The following MARCHF1 variants were observed in gnomAD, a reference collection of about 807,000 sequenced individuals.
The protein encoded by MARCHF1 is membrane associated ring-CH-type finger 1, also known as E3 ubiquitin-protein ligase MARCHF1.
A neutral mutation model predicts 54.2 loss-of-function variants in MARCHF1; 40 were observed. The ratio of observed to expected loss-of-function variants is 0.74; its 90% CI spans 0.57 to 0.96. The LOEUF is 0.96. MARCHF1 is among the 40% of genes least tolerant of loss of function. The probability of loss-of-function intolerance (pLI) is 0.00; values close to 1 mark genes in which losing one functional copy is unlikely to be tolerated. For synonymous variants in MARCHF1, 236 were observed against 236.3 expected, an observed-to-expected ratio of 1.00 and a Z score of 0.01; for missense variants, 586 against 656.5, an observed-to-expected ratio of 0.89 and a Z score of 1.17.
chr4:163,529,916 T>G (rs745611361), intron 9 of MARCHF1: 2 of 152,026 alleles, frequency 1.3e-5, no homozygotes, highest in African/African-American at 4.8e-5. Context: ...GGACAATAGC[T>G]GTCTTCCCGT....
At chr4:163,870,484 C>G (rs763307711) in intron 3 of MARCHF1, among the ~76,000 whole-genome samples, 18 of 151,964 alleles carry the variant, frequency 1.2e-4, no homozygotes, top group Non-Finnish European at 2.1e-4. Flanking sequence ...AGAAAAGACA[C>G]ATTATTTAAA....
At chr4:163,747,145 G>A (rs1027972108) in intron 4 of MARCHF1, among the ~76,000 whole-genome samples, 2 of 152,176 alleles carry the variant, frequency 1.3e-5, no homozygotes, top group Non-Finnish European at 2.9e-5. Flanking sequence ...AATGTTTCAT[G>A]TCCTTTCACC....
At chr4:163,699,136 C>G (rs1158858446) in intron 5 of MARCHF1, among the ~76,000 whole-genome samples, 1 of 152,298 alleles carries the variant, frequency 6.6e-6, no homozygotes, top group East Asian at 1.9e-4. Context: ...CACATTGCCT[C>G]TCAAATATCT....
chr4:164,316,811 G>C (rs1735012716), intron 1 of MARCHF1, among the ~76,000 whole-genome samples: 1 of 152,166 alleles, frequency 6.6e-6, no homozygotes, highest in Non-Finnish European at 1.5e-5. Flanking sequence ...CTGGTAGTGA[G>C]TGAGTTCTCA....
intron 1 of MARCHF1, among the ~76,000 whole-genome samples, chr4:164,375,582 G>A (rs1044747769): frequency 2.6e-5 from 4 of 151,922 alleles, no homozygotes; most frequent in African/African-American, 7.3e-5. Flanking sequence ...CTGCATATTC[G>A]ATACAACATT....
At chr4:163,564,838 TC>T (rs1739591166) in intron 8 of MARCHF1, among the ~76,000 whole-genome samples, 2 of 152,026 alleles carry the variant, frequency 1.3e-5, no homozygotes, top group African/African-American at 4.8e-5. Context: ...TTCCTTTAAA[TC>T]AACCACTCAG....
At chr4:164,359,634 G>A (rs1398161246) in intron 1 of MARCHF1, among the ~76,000 whole-genome samples, 3 of 152,132 alleles carry the variant, frequency 2.0e-5, no homozygotes, top group Non-Finnish European at 2.9e-5. Context: ...CTCAATGTGG[G>A]AGCTTTAATA....
intron 8 of MARCHF1, among the ~76,000 whole-genome samples, chr4:163,550,281 C>CAAAAAAAAAA (rs60320461): frequency 3.8e-5 from 4 of 105,092 alleles, no homozygotes; most frequent in Non-Finnish European, 5.9e-5. Context: ...GACTCCGTCT[C>CAAAAAAAAAA]AAAAAAAAAA....
intron 5 of MARCHF1, among the ~76,000 whole-genome samples, chr4:163,642,772 A>G (rs1375446589): frequency 6.6e-6 from 1 of 152,144 alleles, no homozygotes; most frequent in Non-Finnish European, 1.5e-5. Context: ...ATCTTCCTAA[A>G]AACACCTGTA....
intron 5 of MARCHF1, among the ~76,000 whole-genome samples, chr4:163,651,450 A>G (rs1194285727): frequency 6.6e-6 from 1 of 150,588 alleles, no homozygotes; most frequent in Non-Finnish European, 1.5e-5. Flanking sequence ...TAGTTTTCCT[A>G]CTGCCACCTT....
At chr4:164,379,304 A>G (rs1731295628) in intron 1 of MARCHF1, among the ~76,000 whole-genome samples, 1 of 152,130 alleles carries the variant, frequency 6.6e-6, no homozygotes, top group African/African-American at 2.4e-5. Flanking sequence ...AGAAGGTCAA[A>G]AGAATACTCA....
intron 3 of MARCHF1, among the ~76,000 whole-genome samples, chr4:163,912,599 T>A (rs1751218182): frequency 6.6e-6 from 1 of 152,206 alleles, no homozygotes; most frequent in Non-Finnish European, 1.5e-5. Flanking sequence ...ATTTTCCTGG[T>A]TATTACCATT....
At chr4:164,146,686 A>G (rs1301431803) in intron 1 of MARCHF1, among the ~76,000 whole-genome samples, 2 of 152,152 alleles carry the variant, frequency 1.3e-5, no homozygotes, top group Non-Finnish European at 2.9e-5. Context: ...GATGGATTAA[A>G]GACTTAAACA....
chr4:164,221,615 A>G (rs943784715), intron 1 of MARCHF1, among the ~76,000 whole-genome samples: 36 of 152,004 alleles, frequency 2.4e-4, no homozygotes, highest in Non-Finnish European at 4.7e-4. Context: ...TTTTACATAG[A>G]CATTTGGAGC....
rs373682455 is a variant in MARCHF1, at chr4:164,007,630, TTC to T, written c.-247-18923_-247-18922del. Reference sequence around the variant, plus strand: ...TATAAAGTTAACATGTAGAATTTATTTCTCTCTCTCTCTCTCTGTGTGTGTGT... The same window carrying T: ...TATAAAGTTAACATGTAGAATTTATTTCTCTCTCTCTCTCTGTGTGTGTGT... On this transcript the variant is annotated intron_variant, in intron 2 of 9. Transcript: ENST00000514618. Among the ~76,000 whole-genome samples the T allele has an allele frequency of 4.4e-3, 617 of 139,440 alleles. 4 individuals are homozygous for T. The highest frequency in any genetic ancestry group is 0.027 in the East Asian group (122 of 4,466). 91.5% of individuals were successfully genotyped at this position (139,440 alleles called of 152,430 possible).
chr4:163,739,033 T>C (rs182674547), intron 4 of MARCHF1, among the ~76,000 whole-genome samples: 2 of 152,360 alleles, frequency 1.3e-5, no homozygotes, highest in African/African-American at 4.8e-5. Context: ...AAGTTAGTGA[T>C]ATTTGTCTTA....
intron 1 of MARCHF1, among the ~76,000 whole-genome samples, chr4:164,361,102 T>C (rs545507388): frequency 4.6e-5 from 7 of 151,914 alleles, no homozygotes; most frequent in African/African-American, 1.7e-4. Context: ...TTCATCCACA[T>C]AAAGGACTGG....
chr4:163,920,607 GAA>G (rs1751408037), intron 3 of MARCHF1, among the ~76,000 whole-genome samples: 1 of 152,152 alleles, frequency 6.6e-6, no homozygotes. Context: ...GGTCCAGGGA[GAA>G]CTCCTGTGCG....
chr4:164,042,471 A>G (rs1041509836), intron 2 of MARCHF1, among the ~76,000 whole-genome samples: 2 of 152,116 alleles, frequency 1.3e-5, no homozygotes, highest in Non-Finnish European at 2.9e-5. Flanking sequence ...AAACAAACAG[A>G]TCTCATGAGA....
Sources: allele counts gnomAD v4.1 joint callset (sites outside exome capture counted in the v4.1 genomes callset), GRCh38; gene constraint gnomAD v4.1.1; transcripts MANE v1.5; gene names NCBI Gene and HGNC (gene_info 2026-07-23, HGNC 2026-07-21).